The following PELI2 variants were observed in gnomAD, a reference collection of about 807,000 sequenced individuals.
PELI2 encodes the protein E3 ubiquitin-protein ligase pellino homolog 2.
PELI2 carries 23 observed loss-of-function variants against 42.3 expected under a neutral mutation model. That is an observed-to-expected ratio of 0.54 (90% confidence interval 0.39 to 0.77). The LOEUF is 0.77. Ranked by LOEUF, PELI2 falls within the 30% of genes least tolerant of loss-of-function variation. The probability of loss-of-function intolerance (pLI) is 0.00; values close to 1 mark genes in which losing one functional copy is unlikely to be tolerated. For missense variants in PELI2, 463 were observed against 553.2 expected (o/e 0.84, Z 1.64); for synonymous variants, 245 against 212.2 (o/e 1.15, Z -1.34).
intron 2 of PELI2, among the ~76,000 whole-genome samples, chr14:56,196,940 T>C (rs1005274498): frequency 6.6e-6 from 1 of 152,216 alleles, no homozygotes; most frequent in African/African-American, 2.4e-5. Flanking sequence ...TTTCTTGTTT[T>C]GCATAAGAAG....
intron 2 of PELI2, among the ~76,000 whole-genome samples, chr14:56,237,514 C>T (rs545288059): frequency 2.0e-5 from 3 of 152,088 alleles, no homozygotes; most frequent in East Asian, 1.9e-4. Context: ...TTCTTTGAAG[C>T]AACACAGATG....
chr14:56,130,811 C>T (rs1336760654), intron 1 of PELI2, among the ~76,000 whole-genome samples: 1 of 152,050 alleles, frequency 6.6e-6, no homozygotes, highest in Non-Finnish European at 1.5e-5. Context: ...GTAATAAGTT[C>T]ATTTCTCTAG....
At chr14:56,192,519 G>C (rs777452449) in intron 2 of PELI2, among the ~76,000 whole-genome samples, 1 of 152,100 alleles carries the variant, frequency 6.6e-6, no homozygotes, top group Non-Finnish European at 1.5e-5. Flanking sequence ...CTGTGCCCTC[G>C]TATGATTACC....
rs181250807 is a variant in PELI2, at chr14:56,126,583, C to T, written c.77+7846C>T. ...TGGCTTCTAGGCTATTGGTATAAAA[C>T]GGCTGATCGTGATTACCAAGTGCCT... On this transcript the variant is annotated intron_variant, in intron 1 of 5. Transcript: ENST00000267460. 3.0e-3 allele frequency among the ~76,000 whole-genome samples: 461 copies of T among 152,282 alleles called. 4 individuals are homozygous for T. Among genetic ancestry groups the T allele is most frequent in the African/African-American group, 0.01 (435 of 41,546 alleles).
chr14:56,169,649 T>C (rs932241240), intron 1 of PELI2, among the ~76,000 whole-genome samples: 3 of 152,212 alleles, frequency 2.0e-5, no homozygotes, highest in Non-Finnish European at 4.4e-5. Flanking sequence ...TAAAACCAGG[T>C]ATTATCAGTG....
chr14:56,235,417 G>A (rs1204917920), intron 2 of PELI2, among the ~76,000 whole-genome samples: 1 of 152,216 alleles, frequency 6.6e-6, no homozygotes, highest in East Asian at 1.9e-4. Flanking sequence ...TCAGAACTCT[G>A]GCTCACTCCC....
chr14:56,221,619 C>T (rs1566646267), intron 2 of PELI2, among the ~76,000 whole-genome samples: 1 of 152,164 alleles, frequency 6.6e-6, no homozygotes, highest in Non-Finnish European at 1.5e-5. Context: ...CCATAGGGGC[C>T]CAGCATACTG....
chr14:56,232,272 A>G (rs879982798), intron 2 of PELI2, among the ~76,000 whole-genome samples: 3 of 152,164 alleles, frequency 2.0e-5, no homozygotes, highest in Non-Finnish European at 4.4e-5. Flanking sequence ...GGCCAGCATC[A>G]TCCTGATGCC....
intron 2 of PELI2, among the ~76,000 whole-genome samples, chr14:56,239,201 C>T (rs1200542251): frequency 6.6e-6 from 1 of 152,176 alleles, no homozygotes; most frequent in Non-Finnish European, 1.5e-5. Flanking sequence ...GCCTGTCTTG[C>T]TCTCTGCATT....
intron 2 of PELI2, among the ~76,000 whole-genome samples, chr14:56,195,223 A>G (rs1886089555): frequency 6.6e-6 from 1 of 152,230 alleles, no homozygotes; most frequent in Non-Finnish European, 1.5e-5. Flanking sequence ...GGGGATCCCC[A>G]ACCCCCTTCA....
intron 2 of PELI2, among the ~76,000 whole-genome samples, chr14:56,191,313 A>G (rs1433662893): frequency 6.6e-6 from 1 of 152,218 alleles, no homozygotes; most frequent in Non-Finnish European, 1.5e-5. Flanking sequence ...TTTTGACCAG[A>G]GACAGATGGA....
intron 1 of PELI2, among the ~76,000 whole-genome samples, chr14:56,171,564 C>T (rs1206264427): frequency 1.3e-5 from 2 of 152,190 alleles, no homozygotes; most frequent in Non-Finnish European, 1.5e-5. Context: ...TACCGTGTGT[C>T]CCTGTTACAC....
chr14:56,265,939 A>G lies in PELI2; in HGVS notation c.208-13737A>G, dbSNP rs139416350. On this transcript the variant is annotated intron_variant, in intron 2 of 5. Coordinates refer to ENST00000267460, the MANE Select transcript of PELI2 (RefSeq NM_021255.3). The stretch of plus-strand genomic sequence containing the variant: ...TATGGCTACCATTAAAAGACTGACA[A>G]TTCCAAAAGTTGGCAGGATTGGATC... 7.9e-5 allele frequency among the ~76,000 whole-genome samples: 12 copies of G among 152,166 alleles called. No individual in the cohort carries two copies. In the East Asian group the frequency reaches 1.7e-3, roughly 22 times the overall value.
intron 2 of PELI2, among the ~76,000 whole-genome samples, chr14:56,222,182 G>A (rs1887159056): frequency 6.6e-6 from 1 of 151,326 alleles, no homozygotes; most frequent in Non-Finnish European, 1.5e-5. Context: ...AGCTTTATCT[G>A]TGTCACCTCA....
chr14:56,246,424 C>G (rs1888160308), intron 2 of PELI2, among the ~76,000 whole-genome samples: 1 of 152,212 alleles, frequency 6.6e-6, no homozygotes, highest in Admixed American at 6.5e-5. Context: ...TAATCTTCCC[C>G]TAAGACATCA....
At chr14:56,216,824 C>T (rs11845030) in intron 2 of PELI2, among the ~76,000 whole-genome samples, 2,165 of 152,320 alleles carry the variant, frequency 0.014, 58 homozygotes, top group African/African-American at 0.05. Context: ...AGACAGTTGG[C>T]TGTGTGCCAC....
Position 56,194,972 on chromosome 14 carries a change from G to A in PELI2, c.207+16508G>A, listed in dbSNP as rs111894990. 5.6e-4 allele frequency among the ~76,000 whole-genome samples: 86 copies of A among 152,344 alleles called. 2 individuals carry two copies. The highest frequency in any genetic ancestry group is 2.0e-3 in the African/African-American group (83 of 41,574). On this transcript the variant is annotated intron_variant, in intron 2 of 5. Coordinates refer to ENST00000267460, the MANE Select transcript of PELI2 (RefSeq NM_021255.3). ...AAATTAAAGTATCCTATTATTCACTGTGTGTAATGATGACCCTAATGAATG... is the reference window on the plus strand; with the variant it reads ...AAATTAAAGTATCCTATTATTCACTATGTGTAATGATGACCCTAATGAATG...
At chr14:56,220,200 G>T (rs1887072358) in intron 2 of PELI2, among the ~76,000 whole-genome samples, 1 of 152,150 alleles carries the variant, frequency 6.6e-6, no homozygotes, top group Non-Finnish European at 1.5e-5. Flanking sequence ...TGTTGCCAGT[G>T]CCCAGGTGAC....
At chr14:56,272,216 G>A (rs1889131797) in intron 2 of PELI2, among the ~76,000 whole-genome samples, 1 of 152,248 alleles carries the variant, frequency 6.6e-6, no homozygotes, top group South Asian at 2.1e-4. Context: ...CTTCCGGGAT[G>A]TCTAGACAAG....
Sources: gnomAD v4.1 joint callset for allele counts (sites outside exome capture counted in the v4.1 genomes callset) on GRCh38, gnomAD v4.1.1 for gene constraint, MANE v1.5 for transcripts, NCBI Gene and HGNC (gene_info 2026-07-23, HGNC 2026-07-21) for gene names.